Variants in TMEM181 observed in about 807,000 individuals in gnomAD.
The protein encoded by TMEM181 is transmembrane protein 181.
Under a neutral mutation model 71.9 loss-of-function variants are expected in TMEM181, and 39 were observed. That is an observed-to-expected ratio of 0.54 (90% CI 0.42 to 0.71). TMEM181 has a LOEUF of 0.71. TMEM181 is among the 30% of genes least tolerant of loss of function. The probability of loss-of-function intolerance (pLI) is 0.00; values close to 1 mark genes in which losing one functional copy is unlikely to be tolerated. For synonymous variants in TMEM181, 245 were observed against 228.8 expected (o/e 1.07, Z -0.64); for missense variants, 595 against 583.0 (o/e 1.02, Z -0.21).
intron 1 of TMEM181, among the ~76,000 whole-genome samples, chr6:158,550,379 C>T (rs11968883): frequency 0.61 from 92,680 of 151,130 alleles, 28,750 homozygotes; most frequent in East Asian, 0.73. Flanking sequence ...TAGTTTCAGC[C>T]GGGCGCGGTG....
chr6:158,632,706 A>C lies in TMEM181; in HGVS notation c.*818A>C, dbSNP rs1466916074. 1 of 152,274 alleles carries C rather than the reference A, an allele frequency of 6.6e-6. No homozygotes were observed. The highest frequency in any genetic ancestry group is 1.9e-4 in the East Asian group (1 of 5,202). The allele number at this position is 152,274 out of a possible 1,614,324, so 9.4% of individuals were successfully genotyped here. A position where few individuals can be genotyped will look rare whatever the true frequency, so the allele number is the denominator to read the frequency against. ...GGAGAGGAACCCTTACCATTCCAGT[A>C]AATAGCAGTTTCTGCAATTCTGTTG... On this transcript the variant is annotated 3_prime_UTR_variant, in exon 17 of 17. Transcript: ENST00000684151.
At position 158,603,115 on chromosome 6, in the gene TMEM181, C is replaced by T. The variant is rs578083333; in HGVS notation, c.493-2152C>T. ...TGTGAGTTGATAGTTTTCATCAAATCGGAAACATTTTGGCCATTATCTCTT... is the reference window on the plus strand; with the variant it reads ...TGTGAGTTGATAGTTTTCATCAAATTGGAAACATTTTGGCCATTATCTCTT... On this transcript the variant is annotated intron_variant, in intron 6 of 16. Coordinates refer to ENST00000684151, the MANE Select transcript of TMEM181 (RefSeq NM_001376852.1). Among the ~76,000 whole-genome samples the T allele has an allele frequency of 4.6e-5, 7 of 152,228 alleles. No individual in the cohort carries two copies. The South Asian group carries it at 1.0e-3, about 23-fold the overall frequency.
At position 158,583,892 on chromosome 6, in the gene TMEM181, A is replaced by G. The variant is rs370486317; in HGVS notation, c.169-62A>G. On this transcript the variant is annotated intron_variant, in intron 3 of 16. Transcript: ENST00000684151. ...AAAGTAAACTTTGTGTGTTAAAACG[A>G]TGAGGTATTTGGTAGACTCAATGAA... The G allele has an allele frequency of 1.3e-5, 16 of 1,240,016 alleles. No homozygotes were observed. The South Asian group carries it at 2.3e-4, about 18-fold the overall frequency. The allele number at this position is 1,240,016 out of a possible 1,614,324, so 76.8% of individuals were successfully genotyped here.
Position 158,631,958 on chromosome 6 carries a change from CCT to C in TMEM181, c.*71_*72del, listed in dbSNP as rs562891073. 443 of 1,362,360 alleles carry C rather than the reference CCT, an allele frequency of 3.3e-4. 2 individuals carry two copies. In the East Asian group the frequency reaches 3.7e-3, roughly 11 times the overall value. 84.4% of individuals were successfully genotyped at this position (1,362,360 alleles called of 1,614,324 possible). ...CCCGGTGACCGTCTGCTGACCTTCCCCTGTTATATTCAGATTTTTCTTACAAG... is the reference window on the plus strand; with the variant it reads ...CCCGGTGACCGTCTGCTGACCTTCCCGTTATATTCAGATTTTTCTTACAAG... On this transcript the variant is annotated 3_prime_UTR_variant, in exon 17 of 17. Coordinates refer to ENST00000684151, the MANE Select transcript of TMEM181 (RefSeq NM_001376852.1).
chr6:158,552,561 T>C (rs931054330), intron 1 of TMEM181, among the ~76,000 whole-genome samples: 1 of 152,236 alleles, frequency 6.6e-6, no homozygotes, highest in African/African-American at 2.4e-5. Context: ...GAGGAAAAGA[T>C]TGCTGCTTCA....
Position 158,620,137 on chromosome 6 carries a change from G to A in TMEM181, c.897-3413G>A, listed in dbSNP as rs1785873316. 6.6e-6 allele frequency among the ~76,000 whole-genome samples: 1 copy of A among 152,190 alleles called. No homozygotes were observed. Among genetic ancestry groups the A allele is most frequent in the Non-Finnish European group, 1.5e-5 (1 of 68,026 alleles). On this transcript the variant is annotated intron_variant, in intron 10 of 16. Coordinates refer to ENST00000684151, the MANE Select transcript of TMEM181 (RefSeq NM_001376852.1). This position sits in a 1 kb window ranked among gnomAD's most constrained non-coding sequence, Gnocchi z 4.5. The stretch of plus-strand genomic sequence containing the variant: ...GTCCCTGTGAGCCAAGTTTGGCGAG[G>A]TTGTGAAGGAGACAGCCCAGAGGGG...
At chr6:158,628,639 A>G (rs1241717048) in intron 14 of TMEM181, 149 bp downstream of exon 14, 38 of 670,202 alleles carry the variant, frequency 5.7e-5, no homozygotes, top group Non-Finnish European at 8.7e-5. Flanking sequence ...GAGGTGTCTC[A>G]GTTGGCCCCG....
At chr6:158,590,339 G>A (rs1377304925) in intron 6 of TMEM181, among the ~76,000 whole-genome samples, 1 of 151,372 alleles carries the variant, frequency 6.6e-6, no homozygotes, top group Non-Finnish European at 1.5e-5. Flanking sequence ...GCCTCATAGA[G>A]CTGTGAATAT....
Position 158,625,168 on chromosome 6 carries a change from T to C in TMEM181, c.1019T>C (p.Val340Ala), listed in dbSNP as rs747756516. ...VYILYLLFLI[V>A]RACSELRHMP... ...ATTCTGTACCTCTTGTTCTTGATAGTGCGGGCGTGTTCCGAGCTACGTCAC... is the reference window on the plus strand; with the variant it reads ...ATTCTGTACCTCTTGTTCTTGATAGCGCGGGCGTGTTCCGAGCTACGTCAC... Residue 340 changes from valine to alanine, a missense_variant, in exon 12 of 17, where the codon GTG becomes GCG. Physicochemically the swap from Val to Ala is moderately conservative, Grantham distance 64. Transcript: ENST00000684151. The C allele has an allele frequency of 4.3e-6, 7 of 1,614,196 alleles. No homozygotes were observed. In the South Asian group the frequency reaches 6.6e-5, roughly 15 times the overall value.
intron 1 of TMEM181, among the ~76,000 whole-genome samples, chr6:158,544,509 C>A (rs765643969): frequency 1.3e-5 from 2 of 152,082 alleles, no homozygotes; most frequent in Non-Finnish European, 2.9e-5. Context: ...GGTCACGTAG[C>A]GGGCAGAAGG....
intron 2 of TMEM181, among the ~76,000 whole-genome samples, chr6:158,577,522 C>T (rs1357141282): frequency 2.6e-5 from 4 of 152,110 alleles, no homozygotes; most frequent in Admixed American, 2.0e-4. Flanking sequence ...GAGAATGGGT[C>T]AGAGAATATT....
At chr6:158,626,778 TCA>T (rs1264490003) in intron 13 of TMEM181, 1 of 456,782 alleles carries the variant, frequency 2.2e-6, no homozygotes, top group Non-Finnish European at 4.4e-6. Context: ...AGAGGCTCAC[TCA>T]CACCTCACTC....
intron 8 of TMEM181, among the ~76,000 whole-genome samples, chr6:158,607,806 G>A (rs1206142632): frequency 6.6e-6 from 1 of 152,246 alleles, no homozygotes; most frequent in Non-Finnish European, 1.5e-5. Flanking sequence ...CCGAGCTGGG[G>A]CAGATGCCTG....
chr6:158,542,013 C>G (rs988645821), intron 1 of TMEM181, among the ~76,000 whole-genome samples: 1 of 145,806 alleles, frequency 6.9e-6, no homozygotes, highest in Non-Finnish European at 1.5e-5. Context: ...TCAAGCGATT[C>G]TCCTGGCTCA....
chr6:158,597,324 A>C (rs150280015), intron 6 of TMEM181, among the ~76,000 whole-genome samples: 8 of 152,226 alleles, frequency 5.3e-5, no homozygotes, highest in Non-Finnish European at 1.0e-4. Flanking sequence ...TAAATAATAG[A>C]GATTTATTCC....
chr6:158,615,565 C>T (rs527433369), intron 10 of TMEM181, among the ~76,000 whole-genome samples: 57 of 152,238 alleles, frequency 3.7e-4, no homozygotes, highest in African/African-American at 1.3e-3. Context: ...TGCCCATGCC[C>T]ATGTCCTGAA....
chr6:158,604,130 A>G (rs1784813551), intron 6 of TMEM181, among the ~76,000 whole-genome samples: 1 of 152,082 alleles, frequency 6.6e-6, no homozygotes, highest in Non-Finnish European at 1.5e-5. Flanking sequence ...CTCTCTCTGT[A>G]CAGCTCTCCT....
At position 158,628,476 on chromosome 6, in the gene TMEM181, C is replaced by G. The variant is rs1160841798; in HGVS notation, c.1178C>G (p.Thr393Ser). 6.2e-7 allele frequency: 1 copy of G among 1,614,202 alleles called. No homozygotes were observed. Among genetic ancestry groups the G allele is most frequent in the East Asian group, 2.2e-5 (1 of 44,882 alleles). ...GACAATTTTGTAGCAGAGCTGTCAA[C>G]TCACTACCAGAATTATATCCTTTTC... ...LQDNFVAELS[T>S]HYQNSAEFLS... Residue 393 changes from threonine to serine, a missense_variant, in exon 14 of 17, where the codon ACT becomes AGT. By Grantham distance (58) the Thr-to-Ser change is moderately conservative. Transcript: ENST00000684151.
At chr6:158,611,981 C>CT (rs1562307845) in intron 10 of TMEM181, among the ~76,000 whole-genome samples, 6 of 145,632 alleles carry the variant, frequency 4.1e-5, no homozygotes, top group Non-Finnish European at 9.1e-5. Context: ...GGGATACCCC[C>CT]CCCACCTCCT....
Sources: allele counts gnomAD v4.1 joint callset (sites outside exome capture counted in the v4.1 genomes callset), GRCh38; gene constraint gnomAD v4.1.1; non-coding constraint Gnocchi (gnomAD v3.1); transcripts MANE v1.5; gene names NCBI Gene and HGNC (gene_info 2026-07-23, HGNC 2026-07-21).